The following MDGA2 variants were observed in gnomAD, a reference collection of about 807,000 sequenced individuals.
MDGA2 encodes the protein MAM domain-containing glycosylphosphatidylinositol anchor protein 2.
Under a neutral mutation model 117.8 loss-of-function variants are expected in MDGA2, and 40 were observed. The observed-to-expected ratio is 0.34, with a 90% CI of 0.26 to 0.44. MDGA2 has a LOEUF of 0.44. Among genes scored for constraint, MDGA2 ranks in the 20% least tolerant of loss-of-function variants. The pLI is 1.00. For missense variants in MDGA2, 1,123 were observed against 1,250.6 expected, an observed-to-expected ratio of 0.90 and a Z score of 1.54; for synonymous variants, 452 against 439.0, an observed-to-expected ratio of 1.03 and a Z score of -0.37.
At chr14:46,874,983 G>T (rs1882167241) in intron 12 of MDGA2, among the ~76,000 whole-genome samples, 1 of 151,270 alleles carries the variant, frequency 6.6e-6, no homozygotes, top group Admixed American at 6.6e-5. Flanking sequence ...AGTTGGTAAG[G>T]TCCACTAGAC....
chr14:47,356,786 C>T (rs1276061083), intron 1 of MDGA2, among the ~76,000 whole-genome samples: 1 of 152,162 alleles, frequency 6.6e-6, no homozygotes, highest in Non-Finnish European at 1.5e-5. Context: ...TGTCTACCCT[C>T]CTTGCCTTTG....
At chr14:46,850,828 G>C (rs961564696) in intron 15 of MDGA2, among the ~76,000 whole-genome samples, 2 of 151,764 alleles carry the variant, frequency 1.3e-5, no homozygotes, top group Non-Finnish European at 2.9e-5. Flanking sequence ...ATAATAACAT[G>C]AGAGTCGACT....
chr14:47,445,791 C>T (rs1893109704), intron 1 of MDGA2, among the ~76,000 whole-genome samples: 1 of 152,092 alleles, frequency 6.6e-6, no homozygotes, highest in Non-Finnish European at 1.5e-5. Flanking sequence ...ACACCAACTT[C>T]CTTGGATGTC....
chr14:46,942,668 T>C (rs577437492), intron 9 of MDGA2, among the ~76,000 whole-genome samples: 1 of 152,252 alleles, frequency 6.6e-6, no homozygotes, highest in South Asian at 2.1e-4. Context: ...ATATGCACTT[T>C]CTGTATTTGG....
At chr14:47,525,110 T>C (rs1338633970) in intron 1 of MDGA2, among the ~76,000 whole-genome samples, 2 of 152,174 alleles carry the variant, frequency 1.3e-5, no homozygotes, top group Non-Finnish European at 2.9e-5. Context: ...GAGTCACAAA[T>C]TGCTTCCTTG....
At chr14:47,177,592 T>C (rs1001522681) in intron 3 of MDGA2, among the ~76,000 whole-genome samples, 4 of 152,050 alleles carry the variant, frequency 2.6e-5, no homozygotes, top group South Asian at 2.1e-4. Context: ...TAGGTGGGAA[T>C]TGAACAATGA....
chr14:47,425,584 C>A (rs1892670854), intron 1 of MDGA2, among the ~76,000 whole-genome samples: 1 of 152,072 alleles, frequency 6.6e-6, no homozygotes, highest in Non-Finnish European at 1.5e-5. Flanking sequence ...AAATTGTTTT[C>A]TGTTCAGGAA....
chr14:47,032,270 A>C (rs1959818), intron 8 of MDGA2, among the ~76,000 whole-genome samples: 22,505 of 152,070 alleles, frequency 0.15, 1,754 homozygotes, highest in Admixed American at 0.22. Context: ...CAAGTTAAGC[A>C]AAAAATAAAT....
intron 6 of MDGA2, among the ~76,000 whole-genome samples, chr14:47,077,056 TA>T (rs1890522700): frequency 6.6e-6 from 1 of 152,048 alleles, no homozygotes; most frequent in South Asian, 2.1e-4. Flanking sequence ...GTTTTTTTTT[TA>T]GTATCATTGA....
At chr14:47,331,737 G>T (rs115961396) in intron 1 of MDGA2, among the ~76,000 whole-genome samples, 5,005 of 151,964 alleles carry the variant, frequency 0.033, 270 homozygotes, top group African/African-American at 0.11. Flanking sequence ...GATTAATAAA[G>T]ACCAATTGCC....
Position 47,622,271 on chromosome 14 carries a change from T to G in MDGA2, c.280+52246A>C, listed in dbSNP as rs7155757. 9.8e-3 allele frequency among the ~76,000 whole-genome samples: 1,485 copies of G among 152,298 alleles called. 36 individuals are homozygous for G. The highest frequency in any genetic ancestry group is 0.034 in the African/African-American group (1,412 of 41,568). On this transcript the variant is annotated intron_variant, in intron 1 of 16. Transcript: ENST00000399232. Reference sequence around the variant, plus strand: ...GATGGGAGAATGAATGACATCACTATTTTTTACTCAATAAATATTTATTGA... The same window carrying G: ...GATGGGAGAATGAATGACATCACTAGTTTTTACTCAATAAATATTTATTGA...
chr14:47,596,783 T>C (rs1210696670), intron 1 of MDGA2, among the ~76,000 whole-genome samples: 1 of 152,128 alleles, frequency 6.6e-6, no homozygotes, highest in Non-Finnish European at 1.5e-5. Flanking sequence ...CCTTGTGAGG[T>C]TAGTATTTTG....
chr14:47,392,487 A>G (rs1233653044), intron 1 of MDGA2, among the ~76,000 whole-genome samples: 2 of 152,180 alleles, frequency 1.3e-5, no homozygotes, highest in Admixed American at 6.5e-5. Context: ...CCAGATTTCA[A>G]GAAAAATCTA....
At position 47,002,013 on chromosome 14, in the gene MDGA2, T is replaced by G. The variant is rs371248316; in HGVS notation, c.1819+32998A>C. 3.3e-5 allele frequency among the ~76,000 whole-genome samples: 5 copies of G among 152,250 alleles called. No homozygotes were observed. The South Asian group carries it at 6.2e-4, about 19-fold the overall frequency. ...TTAAAGGCAAAATATATTGTATCTG[T>G]TATCTCCAGGTTGTGGAGTGGGGGC... On this transcript the variant is annotated intron_variant, in intron 8 of 16. Coordinates refer to ENST00000399232, the MANE Select transcript of MDGA2 (RefSeq NM_001113498.3).
chr14:47,361,437 T>C (rs1023320192), intron 1 of MDGA2, among the ~76,000 whole-genome samples: 2 of 152,204 alleles, frequency 1.3e-5, no homozygotes, highest in Middle Eastern at 3.4e-3. Context: ...ATCCAGTCTG[T>C]GGTATTTTGT....
chr14:47,555,789 A>G (rs1041683474), intron 1 of MDGA2, among the ~76,000 whole-genome samples: 12 of 152,126 alleles, frequency 7.9e-5, no homozygotes, highest in African/African-American at 2.9e-4. Flanking sequence ...AGTCTCTTCT[A>G]TCCATCTCGA....
At chr14:47,649,680 A>G (rs1340916731) in intron 1 of MDGA2, among the ~76,000 whole-genome samples, 1 of 104,786 alleles carries the variant, frequency 9.5e-6, no homozygotes, top group Non-Finnish European at 1.9e-5. Flanking sequence ...GTGAGGCTTC[A>G]TCTCAAAAAC....
intron 1 of MDGA2, among the ~76,000 whole-genome samples, chr14:47,340,406 T>C (rs1024881804): frequency 1.3e-5 from 2 of 152,088 alleles, no homozygotes; most frequent in African/African-American, 2.4e-5. Flanking sequence ...AAATAAAAAA[T>C]AGCCAAAATA....
At chr14:46,999,227 G>A (rs1053674695) in intron 8 of MDGA2, among the ~76,000 whole-genome samples, 2 of 151,360 alleles carry the variant, frequency 1.3e-5, no homozygotes, top group African/African-American at 4.8e-5. Context: ...AAGCTGTAAA[G>A]CAATGCAGTC....
Sources: allele counts gnomAD v4.1 joint callset (sites outside exome capture counted in the v4.1 genomes callset), GRCh38; gene constraint gnomAD v4.1.1; transcripts MANE v1.5; gene names NCBI Gene and HGNC (gene_info 2026-07-23, HGNC 2026-07-21).